Variants in ZNF649 observed in about 807,000 individuals in gnomAD.
ZNF649 encodes the protein zinc finger protein 649.
ZNF649 carries 7 observed loss-of-function variants against 14.1 expected under a neutral mutation model. The observed-to-expected ratio is 0.49, with a 90% CI of 0.28 to 0.93. ZNF649 has a LOEUF of 0.93. Ranked by LOEUF, ZNF649 falls within the 40% of genes least tolerant of loss-of-function variation. The probability of loss-of-function intolerance (pLI) is 0.10; values close to 1 mark genes in which losing one functional copy is unlikely to be tolerated. For synonymous variants in ZNF649, 227 were observed against 212.3 expected, an observed-to-expected ratio of 1.07 and a Z score of -0.60; for missense variants, 544 against 608.1, an observed-to-expected ratio of 0.89 and a Z score of 1.11.
intron 4 of ZNF649, among the ~76,000 whole-genome samples, chr19:51,893,262 T>C (rs2085036447): frequency 6.6e-6 from 1 of 152,206 alleles, no homozygotes; most frequent in South Asian, 2.1e-4. Context: ...ATGTTACATA[T>C]ATGTTTGCTC....
At chr19:51,897,492 A>G (rs185345758) in intron 2 of ZNF649, among the ~76,000 whole-genome samples, 1 of 152,324 alleles carries the variant, frequency 6.6e-6, no homozygotes, top group African/African-American at 2.4e-5. Context: ...TGCTACAGTC[A>G]TATAGTACGT....
At chr19:51,899,780 G>A in intron 2 of ZNF649, 1 of 300,370 alleles carries the variant, frequency 3.3e-6, no homozygotes, top group Non-Finnish European at 6.1e-6. Context: ...CAGAATCAGT[G>A]CACATCATGT....
intron 2 of ZNF649, chr19:51,899,844 T>C: frequency 2.7e-6 from 1 of 370,268 alleles, no homozygotes. Context: ...GGACACAAGC[T>C]GACACTTAAT....
rs1310190517 is a variant in ZNF649, at chr19:51,890,318, CAA to C, written c.*298_*299del. On this transcript the variant is annotated 3_prime_UTR_variant, in exon 5 of 5. Transcript: ENST00000354957. ...AAGGCAAGAGATACAATCTAAACTA[CAA>C]AGAGAACAAAAGCTAACCCCTACCT... 2 of 292,926 alleles carry C rather than the reference CAA, an allele frequency of 6.8e-6. No individual in the cohort carries two copies. Among genetic ancestry groups the C allele is most frequent in the Non-Finnish European group, 1.3e-5 (2 of 157,710 alleles). 18.1% of individuals were successfully genotyped at this position (292,926 alleles called of 1,614,324 possible). A position where few individuals can be genotyped will look rare whatever the true frequency, so the allele number is the denominator to read the frequency against.
rs183629825 is a variant in ZNF649 at position 51,899,879 on chromosome 19, C to T, written c.15+214G>A. On this transcript the variant is annotated intron_variant, in intron 2 of 4. Coordinates refer to ENST00000354957, the MANE Select transcript of ZNF649 (RefSeq NM_023074.4). ...TGTAGCCAACAGGGTCTGGCAGAGT[C>T]GCACATTATATTCCAACACTGGTCA... is the stretch of plus-strand genomic sequence containing the variant. 4.4e-4 allele frequency: 176 copies of T among 401,632 alleles called. 1 individual carries two copies. The highest frequency in any genetic ancestry group is 4.5e-4 in the Non-Finnish European group (104 of 229,380). The allele number at this position is 401,632 out of a possible 1,614,324, so 24.9% of individuals were successfully genotyped here.
rs922326246 is a variant in ZNF649 at position 51,890,406 on chromosome 19, C to A, written c.*212G>T. 4 of 489,734 alleles carry A rather than the reference C, an allele frequency of 8.2e-6. No homozygotes were observed. The highest frequency in any genetic ancestry group is 3.3e-5 in the East Asian group (1 of 30,292). The allele number at this position is 489,734 out of a possible 1,614,324, so 30.3% of individuals were successfully genotyped here. A position where few individuals can be genotyped will look rare whatever the true frequency, so the allele number is the denominator to read the frequency against. On this transcript the variant is annotated 3_prime_UTR_variant, in exon 5 of 5. Coordinates refer to ENST00000354957, the MANE Select transcript of ZNF649 (RefSeq NM_023074.4). ...ACCAAGTGGAAGCCTCTAAAACTGC[C>A]CCCCTCCCCAGCCAAACTCTATGAT...
intron 4 of ZNF649, among the ~76,000 whole-genome samples, 178 bp from the exon 5 acceptor site, chr19:51,892,075 A>AATT (rs1475745738): frequency 6.6e-6 from 1 of 152,150 alleles, no homozygotes; most frequent in African/African-American, 2.4e-5. Flanking sequence ...AGTTAAATAC[A>AATT]TATAAGATAA....
rs3859454 is a variant in ZNF649, at chr19:51,898,416, T to C, written c.16-1438A>G. 9.6e-3 allele frequency among the ~76,000 whole-genome samples: 1,462 copies of C among 152,168 alleles called. 15 individuals carry two copies. Among genetic ancestry groups the C allele is most frequent in the Non-Finnish European group, 0.013 (869 of 68,002 alleles). On this transcript the variant is annotated intron_variant, in intron 2 of 4. Transcript: ENST00000354957. ...ATGACTCACAGAACTCAGGAAAATG[T>C]CACACAATTACAGTTTATTATATAG...
chr19:51,904,504 GA>G (rs1247827554), intron 1 of ZNF649, among the ~76,000 whole-genome samples: 2 of 151,940 alleles, frequency 1.3e-5, no homozygotes, highest in African/African-American at 4.8e-5. Flanking sequence ...GGGCCTCCCC[GA>G]AACACTTAAC....
At chr19:51,901,681 C>A (rs746297320) in intron 1 of ZNF649, among the ~76,000 whole-genome samples, 1 of 151,926 alleles carries the variant, frequency 6.6e-6, no homozygotes, top group Non-Finnish European at 1.5e-5. Context: ...AAAGGCCGAG[C>A]GTGTTGGCTC....
At chr19:51,900,837 G>A (rs569661340) in intron 1 of ZNF649, among the ~76,000 whole-genome samples, 26 of 152,248 alleles carry the variant, frequency 1.7e-4, no homozygotes, top group Admixed American at 1.4e-3. Context: ...TAGAAAAGGG[G>A]AGACAGGTGA....
chr19:51,902,794 G>A (rs940299096), intron 1 of ZNF649, among the ~76,000 whole-genome samples: 3 of 152,188 alleles, frequency 2.0e-5, no homozygotes, highest in Non-Finnish European at 4.4e-5. Flanking sequence ...TCACATGTAG[G>A]AATGCTACGT....
chr19:51,892,721 A>G (rs2085032515), intron 4 of ZNF649, among the ~76,000 whole-genome samples: 1 of 152,088 alleles, frequency 6.6e-6, no homozygotes. Context: ...CTAGAGCACC[A>G]ATCTCATATT....
At position 51,896,870 on chromosome 19, in the gene ZNF649, T is replaced by C; in HGVS notation, c.124A>G (p.Ser42Gly). ...LYRDVMLENY[S>G]NLVSVGYQAG... is the part of the protein sequence containing the mutation. ...TCCTCACCCACTGACACAAGGTTGCTGTAGTTCTCCAACATCACATCCCGG... is the reference window on the plus strand; with the variant it reads ...TCCTCACCCACTGACACAAGGTTGCCGTAGTTCTCCAACATCACATCCCGG... Residue 42 changes from serine to glycine, a missense_variant, in exon 3 of 5, where the codon AGC (serine) becomes GGC (glycine). By Grantham distance (56) the Ser-to-Gly change is moderately conservative. Coordinates refer to ENST00000354957, the MANE Select transcript of ZNF649 (RefSeq NM_023074.4). 1 of 1,614,180 alleles carries C rather than the reference T, an allele frequency of 6.2e-7. No individual in the cohort carries two copies. The highest frequency in any genetic ancestry group is 8.5e-7 in the Non-Finnish European group (1 of 1,180,024).
chr19:51,899,986 A>C, intron 2 of ZNF649, 107 bp downstream of exon 2: 1 of 980,142 alleles, frequency 1.0e-6, no homozygotes, highest in South Asian at 2.7e-5. Flanking sequence ...TTCTCCCCAG[A>C]GCTCATTTTT....
Position 51,896,889 on chromosome 19 carries a change from A to G in ZNF649, c.105T>C (p.Asp35=). 2 of 1,614,096 alleles carry G rather than the reference A, an allele frequency of 1.2e-6. No homozygotes were observed. Among genetic ancestry groups the G allele is most frequent in the Non-Finnish European group, 1.7e-6 (2 of 1,180,010 alleles). The change falls in exon 3 of 5, where the codon GAT becomes GAC. Residue 35 remains aspartate, a synonymous_variant. Coordinates refer to ENST00000354957, the MANE Select transcript of ZNF649 (RefSeq NM_023074.4). ...GGTTGCTGTAGTTCTCCAACATCAC[A>G]TCCCGGTACAGGTCCTTCTGAGCAG... ...LSPAQKDLYR[D]VMLENYSNLV...
chr19:51,899,009 G>C (rs1231898013), intron 2 of ZNF649, among the ~76,000 whole-genome samples: 1 of 152,182 alleles, frequency 6.6e-6, no homozygotes, highest in Admixed American at 6.5e-5. Flanking sequence ...TGTAATCAAG[G>C]CTTGGTCTTT....
At position 51,890,785 on chromosome 19, in the gene ZNF649, T is replaced by C; in HGVS notation, c.1351A>G (p.Ile451Val). 1 of 1,614,254 alleles carries C rather than the reference T, an allele frequency of 6.2e-7. No individual in the cohort carries two copies. Among genetic ancestry groups the C allele is most frequent in the Non-Finnish European group, 8.5e-7 (1 of 1,180,042 alleles). The change falls in exon 5 of 5, where the codon ATA becomes GTA. Residue 451 changes from isoleucine (I) to valine (V), a missense_variant. By Grantham distance (29) the Ile-to-Val change is conservative. Coordinates refer to ENST00000354957, the MANE Select transcript of ZNF649 (RefSeq NM_023074.4). ...YMSCLVKHKR[I>V]HSREKRGDSV... is the part of the protein sequence containing the mutation. ...TCCCCCCGTTTCTCCCTTGAGTGTA[T>C]TCTCTTATGTTTAACAAGGCAAGAC...
intron 4 of ZNF649, among the ~76,000 whole-genome samples, chr19:51,895,897 G>T (rs770337028): frequency 5.9e-5 from 9 of 152,176 alleles, no homozygotes; most frequent in Non-Finnish European, 1.2e-4. Context: ...CAGCTGGTTG[G>T]TCAGAAGCTG....
Sources: gnomAD v4.1 joint callset for allele counts (sites outside exome capture counted in the v4.1 genomes callset) on GRCh38, gnomAD v4.1.1 for gene constraint, MANE v1.5 for transcripts, NCBI Gene and HGNC (gene_info 2026-07-23, HGNC 2026-07-21) for gene names.